The following POLR2J variants were observed in gnomAD, a reference collection of about 807,000 sequenced individuals.
POLR2J encodes RNA polymerase II subunit J.
Under a neutral mutation model 13.4 loss-of-function variants are expected in POLR2J, and 12 were observed. The observed-to-expected ratio is 0.90, with a 90% CI of 0.57 to 1.45. The LOEUF is 1.45. Ranked by LOEUF, POLR2J falls within the 40% of genes most tolerant of loss-of-function variation. POLR2J has a pLI of 0.00. For missense variants in POLR2J, 58 were observed against 132.0 expected (o/e 0.44, Z 2.75); for synonymous variants, 31 against 53.6 (o/e 0.58, Z 1.84).
rs1798303094 is a variant in POLR2J, at chr7:102,473,538, A to ACGTCGGTGTCAGGGTGAGGGGTGGCCACC, written c.*110_*111insGGTGGCCACCCCTCACCCTGACACCGACG. On this transcript the variant is annotated 3_prime_UTR_variant, in exon 4 of 4. Coordinates refer to ENST00000292614, the MANE Select transcript of POLR2J (RefSeq NM_006234.6). ...CGGTGTCAGGGTGAGGGGTGGCCAC[A>ACGTCGGTGTCAGGGTGAGGGGTGGCCACC]AGGCGGGCCATGGCTGGGACCGGCC... 2.7e-6 allele frequency: 3 copies of ACGTCGGTGTCAGGGTGAGGGGTGGCCACC among 1,093,342 alleles called. No individual in the cohort carries two copies. The highest frequency in any genetic ancestry group is 2.5e-5 in the African/African-American group (1 of 40,122). The allele number at this position is 1,093,342 out of a possible 1,614,324, so 67.7% of individuals were successfully genotyped here. A position where few individuals can be genotyped will look rare whatever the true frequency, so the allele number is the denominator to read the frequency against.
chr7:102,475,853 C>T (rs1189160260), intron 2 of POLR2J, among the ~76,000 whole-genome samples: 2 of 145,386 alleles, frequency 1.4e-5, no homozygotes, highest in African/African-American at 2.5e-5. Flanking sequence ...ACCCGGGAGG[C>T]GGAGGTTGCA....
chr7:102,473,963 G>C (rs559217120), intron 3 of POLR2J: 24 of 1,435,340 alleles, frequency 1.7e-5, no homozygotes, highest in Admixed American at 8.6e-5. Flanking sequence ...CCTCTAAACT[G>C]TTCTAGATTC....
intron 3 of POLR2J, chr7:102,474,152 A>G (rs1463674842): frequency 3.3e-5 from 51 of 1,529,382 alleles, no homozygotes; most frequent in Non-Finnish European, 4.2e-5. Context: ...GCACTACAGA[A>G]GTCCCATGGG....
In POLR2J at chr7:102,473,182, T is replaced by TGTTTCGAG. The variant is rs1563660279; in HGVS notation, c.*459_*466dup. Reference sequence around the variant, plus strand: ...TGTGGACAAGAAGCCTGTGGAAAGGTGTTTCGAGTTATGCAGGAAGAAGTG... The same window carrying TGTTTCGAG: ...TGTGGACAAGAAGCCTGTGGAAAGGTGTTTCGAGGTTTCGAGTTATGCAGGAAGAAGTG... On this transcript the variant is annotated 3_prime_UTR_variant, in exon 4 of 4. Transcript: ENST00000292614. 1 of 1,070,482 alleles carries TGTTTCGAG rather than the reference T, an allele frequency of 9.3e-7. No individual in the cohort carries two copies. The highest frequency in any genetic ancestry group is 1.3e-6 in the Non-Finnish European group (1 of 759,188). The allele number at this position is 1,070,482 out of a possible 1,614,324, so 66.3% of individuals were successfully genotyped here.
Position 102,473,829 on chromosome 7 carries a change from G to T in POLR2J, c.319-145C>A. ...CCCAGGACAGTGGAGCAGCCAAAGG[G>T]CCCTCCCAGCTGGCCCAATCCAGCC... On this transcript the variant is annotated intron_variant, in intron 3 of 3. Coordinates refer to ENST00000292614, the MANE Select transcript of POLR2J (RefSeq NM_006234.6). 2.1e-6 allele frequency: 3 copies of T among 1,463,342 alleles called. No homozygotes were observed. The South Asian group carries it at 4.3e-5, about 21-fold the overall frequency. The allele number at this position is 1,463,342 out of a possible 1,614,324, so 90.6% of individuals were successfully genotyped here. A position where few individuals can be genotyped will look rare whatever the true frequency, so the allele number is the denominator to read the frequency against.
chr7:102,474,517 C>T lies in POLR2J; in HGVS notation c.162G>A (p.Pro54=), dbSNP rs556969085. The part of the protein sequence containing the change: ...NIIKSQLLKD[P]QVLFAGYKVP... ...CTTTGTAGCCAGCAAATAGCACTTGCGGGTCTTTTAGGAGTTGTCTGAGGT... is the reference window on the plus strand; with the variant it reads ...CTTTGTAGCCAGCAAATAGCACTTGTGGGTCTTTTAGGAGTTGTCTGAGGT... The change falls in exon 3 of 4, where the codon CCG becomes CCA. Residue 54 remains proline, a synonymous_variant. Transcript: ENST00000292614. 727 of 1,538,870 alleles carry T rather than the reference C, an allele frequency of 4.7e-4. 27 individuals carry two copies. The South Asian group carries it at 6.6e-3, about 14-fold the overall frequency.
chr7:102,474,188 T>G lies in POLR2J; in HGVS notation c.318+173A>C. ...GCAGACGGGAGCCACAGGCCCAGAC[T>G]CCACAGCCCCTCAGTCCACATGTCC... On this transcript the variant is annotated intron_variant, in intron 3 of 3. Coordinates refer to ENST00000292614, the MANE Select transcript of POLR2J (RefSeq NM_006234.6). The G allele has an allele frequency of 3.9e-6, 6 of 1,547,790 alleles. No individual in the cohort carries two copies. The South Asian group carries it at 7.1e-5, about 18-fold the overall frequency.
At position 102,478,899 on chromosome 7, in the gene POLR2J, C is replaced by G. The variant is rs766397832; in HGVS notation, c.-39G>C. On this transcript the variant is annotated 5_prime_UTR_variant, in exon 1 of 4. Coordinates refer to ENST00000292614, the MANE Select transcript of POLR2J (RefSeq NM_006234.6). ...TTGCGTCCAGACCCCAAGGGTCCGC[C>G]GCCGCCGCCACCAGAGCCCTAATAA... is the stretch of plus-strand genomic sequence containing the variant. 7.2e-5 allele frequency: 116 copies of G among 1,609,020 alleles called. 1 individual carries two copies. In the East Asian group the frequency reaches 1.9e-3, roughly 26 times the overall value.
chr7:102,475,199 T>A (rs3988036), intron 2 of POLR2J, among the ~76,000 whole-genome samples: 1 of 151,974 alleles, frequency 6.6e-6, no homozygotes, highest in African/African-American at 2.4e-5. Flanking sequence ...CCTCCATCCC[T>A]GCGCCTGCCC....
Position 102,473,379 on chromosome 7 carries a change from G to A in POLR2J, c.*270C>T, listed in dbSNP as rs1050667819. On this transcript the variant is annotated 3_prime_UTR_variant, in exon 4 of 4. Coordinates refer to ENST00000292614, the MANE Select transcript of POLR2J (RefSeq NM_006234.6). ...TCATCCCTGCCAGCCGGACGCCCCT[G>A]AAACAGGTCATCTGCCTGCATCAAG... 3.4e-6 allele frequency: 2 copies of A among 590,978 alleles called. No homozygotes were observed. The highest frequency in any genetic ancestry group is 5.8e-6 in the Non-Finnish European group (2 of 347,700). 36.6% of individuals were successfully genotyped at this position (590,978 alleles called of 1,614,324 possible).
intron 2 of POLR2J, among the ~76,000 whole-genome samples, chr7:102,475,751 A>C (rs866714370): frequency 7.9e-6 from 1 of 126,890 alleles, no homozygotes; most frequent in African/African-American, 2.9e-5. Flanking sequence ...GTGAATCCCC[A>C]TCTCTACTAA....
At chr7:102,478,777 A>G (rs1586753512) in intron 1 of POLR2J, 31 bp downstream of exon 1, 1 of 1,608,960 alleles carries the variant, frequency 6.2e-7, no homozygotes, top group African/African-American at 1.3e-5. Flanking sequence ...AGGCCCGCGC[A>G]CCTCGGCCCG....
chr7:102,473,896 G>A, intron 3 of POLR2J: 2 of 1,438,396 alleles, frequency 1.4e-6, no homozygotes, highest in Non-Finnish European at 1.8e-6. Flanking sequence ...GGCCCCAGAG[G>A]CTTCCTGGTG....
rs896860889 is a variant in POLR2J, at chr7:102,473,312, C to T, written c.*337G>A. On this transcript the variant is annotated 3_prime_UTR_variant, in exon 4 of 4. Transcript: ENST00000292614. Reference sequence around the variant, plus strand: ...CTTCTCTCCGGCTCAGCACAGCCCCCGCAGCAGCCCCTGGACCCCGGATCT... The same window carrying T: ...CTTCTCTCCGGCTCAGCACAGCCCCTGCAGCAGCCCCTGGACCCCGGATCT... The T allele has an allele frequency of 3.7e-5, 21 of 568,878 alleles. No individual in the cohort carries two copies. The highest frequency in any genetic ancestry group is 9.3e-4 in the Middle Eastern group (2 of 2,158). 35.2% of individuals were successfully genotyped at this position (568,878 alleles called of 1,614,324 possible).
intron 2 of POLR2J, among the ~76,000 whole-genome samples, chr7:102,475,244 G>T (rs564478802): frequency 6.6e-6 from 1 of 152,244 alleles, no homozygotes; most frequent in African/African-American, 2.4e-5. Context: ...ACTCACAGAC[G>T]GGGAAAAGCC....
rs777024173 is a variant in POLR2J at position 102,478,893 on chromosome 7, G to A, written c.-33C>T. 4 of 1,609,698 alleles carry A rather than the reference G, an allele frequency of 2.5e-6. No individual in the cohort carries two copies. In the East Asian group the frequency reaches 6.7e-5, roughly 27 times the overall value. On this transcript the variant is annotated 5_prime_UTR_variant, in exon 1 of 4. Transcript: ENST00000292614. ...CCGCCGTTGCGTCCAGACCCCAAGG[G>A]TCCGCCGCCGCCGCCACCAGAGCCC...
Position 102,473,160 on chromosome 7 carries a change from G to A in POLR2J, c.*489C>T, listed in dbSNP as rs1379890083. On this transcript the variant is annotated 3_prime_UTR_variant, in exon 4 of 4. Coordinates refer to ENST00000292614, the MANE Select transcript of POLR2J (RefSeq NM_006234.6). The stretch of plus-strand genomic sequence containing the variant: ...GAATATTTTTATTAAACTCTACTGT[G>A]GACAAGAAGCCTGTGGAAAGGTGTT... 2.0e-5 allele frequency: 25 copies of A among 1,251,208 alleles called. No homozygotes were observed. Among genetic ancestry groups the A allele is most frequent in the East Asian group, 2.4e-5 (1 of 41,642 alleles). 77.5% of individuals were successfully genotyped at this position (1,251,208 alleles called of 1,614,324 possible).
At position 102,473,260 on chromosome 7, in the gene POLR2J, ACTCTTGGGAG is replaced by A. The variant is rs1195265695; in HGVS notation, c.*379_*388del. ...AGGAGTTGAGGCTTCTAGAGCAGAG[ACTCTTGGGAG>A]CTCATGGGTTTGCACACTTCTCTCC... On this transcript the variant is annotated 3_prime_UTR_variant, in exon 4 of 4. Transcript: ENST00000292614. 3 of 635,940 alleles carry A rather than the reference ACTCTTGGGAG, an allele frequency of 4.7e-6. No individual in the cohort carries two copies. Among genetic ancestry groups the A allele is most frequent in the Non-Finnish European group, 7.9e-6 (3 of 382,002 alleles). The allele number at this position is 635,940 out of a possible 1,614,324, so 39.4% of individuals were successfully genotyped here.
intron 1 of POLR2J, among the ~76,000 whole-genome samples, chr7:102,477,584 T>C (rs1798465007): frequency 3.9e-5 from 1 of 25,698 alleles, no homozygotes; most frequent in South Asian, 1.7e-3. Flanking sequence ...CTCTACCCAG[T>C]AGATTCCAGT....
Sources: allele counts gnomAD v4.1 joint callset (sites outside exome capture counted in the v4.1 genomes callset), GRCh38; gene constraint gnomAD v4.1.1; transcripts MANE v1.5; gene names NCBI Gene and HGNC (gene_info 2026-07-23, HGNC 2026-07-21).